NRF1: variants seen among roughly 807,000 people sequenced by gnomAD.
NRF1 encodes the protein nuclear respiratory factor 1.
In NRF1, 5 loss-of-function variants were observed where a neutral mutation model predicts 58.5. That is an observed-to-expected ratio of 0.09 (90% CI 0.04 to 0.18). The LOEUF (loss-of-function observed/expected upper bound fraction) is 0.18, where lower values mean the gene tolerates loss of function less well. NRF1 is among the 10% of genes least tolerant of loss of function. The probability of loss-of-function intolerance (pLI) is 1.00; values close to 1 mark genes in which losing one functional copy is unlikely to be tolerated. For synonymous variants in NRF1, 224 were observed against 246.7 expected (o/e 0.91, Z 0.86); for missense variants, 288 against 657.7 (o/e 0.44, Z 6.15).
intron 4 of NRF1, among the ~76,000 whole-genome samples, chr7:129,689,740 T>C (rs552544995): frequency 6.2e-4 from 95 of 152,318 alleles, no homozygotes; most frequent in African/African-American, 2.2e-3. Flanking sequence ...GCTAAAGGCG[T>C]CATGGGTTGG....
intron 1 of NRF1, among the ~76,000 whole-genome samples, chr7:129,655,868 T>C (rs1801643058): frequency 1.3e-5 from 2 of 152,214 alleles, no homozygotes; most frequent in African/African-American, 4.8e-5. Flanking sequence ...CACATTATGA[T>C]GTTAATAGTA....
chr7:129,719,545 A>ACACACACACACACACAC (rs1562982215), intron 9 of NRF1, among the ~76,000 whole-genome samples: 1 of 93,094 alleles, frequency 1.1e-5, no homozygotes, highest in Non-Finnish European at 2.8e-5. Flanking sequence ...CACACACACA[A>ACACACACACACACACAC]CACATCTTCT....
chr7:129,735,880 CA>C (rs1803697055), intron 10 of NRF1, among the ~76,000 whole-genome samples: 1 of 152,060 alleles, frequency 6.6e-6, no homozygotes, highest in South Asian at 2.1e-4. Flanking sequence ...TGGTGGCAGG[CA>C]CCTGTAGTCC....
chr7:129,628,279 C>T (rs1252115116), intron 1 of NRF1, among the ~76,000 whole-genome samples: 2 of 150,924 alleles, frequency 1.3e-5, no homozygotes, highest in Non-Finnish European at 2.9e-5. Flanking sequence ...CTCCTGACCT[C>T]GTGATCTGCC....
At position 129,682,611 on chromosome 7, in the gene NRF1, C is replaced by T. The variant is rs78696782; in HGVS notation, c.465+4853C>T. 4.7e-3 allele frequency among the ~76,000 whole-genome samples: 706 copies of T among 148,738 alleles called. 1 individual carries two copies. The highest frequency in any genetic ancestry group is 7.3e-3 in the Non-Finnish European group (494 of 67,448). On this transcript the variant is annotated intron_variant, in intron 4 of 10. Transcript: ENST00000393232. Reference sequence around the variant, plus strand: ...ACAGTCTAGGCAACATAGTGAGACCCTGTCTCTGCAAAAAAATGTAAAAAA... The same window carrying T: ...ACAGTCTAGGCAACATAGTGAGACCTTGTCTCTGCAAAAAAATGTAAAAAA...
intron 4 of NRF1, among the ~76,000 whole-genome samples, chr7:129,686,168 A>T (rs1802440021): frequency 6.6e-6 from 1 of 151,268 alleles, no homozygotes; most frequent in Non-Finnish European, 1.5e-5. Context: ...TGCCAAGGTG[A>T]GCGACGAGGT....
chr7:129,753,529 T>A (rs867449503), intron 10 of NRF1, among the ~76,000 whole-genome samples: 41 of 152,348 alleles, frequency 2.7e-4, no homozygotes, highest in Middle Eastern at 3.4e-3. Flanking sequence ...TTTTTCCTCA[T>A]TCACTGTAAT....
At chr7:129,655,845 G>A (rs1328434618) in intron 1 of NRF1, among the ~76,000 whole-genome samples, 1 of 152,206 alleles carries the variant, frequency 6.6e-6, no homozygotes, top group Non-Finnish European at 1.5e-5. Flanking sequence ...TAATGGGAAA[G>A]CTTCTAGTTT....
intron 1 of NRF1, among the ~76,000 whole-genome samples, chr7:129,628,619 A>T (rs757717893): frequency 6.6e-6 from 1 of 152,158 alleles, no homozygotes; most frequent in African/African-American, 2.4e-5. Context: ...CTGCTTTTGC[A>T]CTCAGTCTGC....
At chr7:129,618,262 G>T (rs1800696790) in intron 1 of NRF1, among the ~76,000 whole-genome samples, 1 of 152,120 alleles carries the variant, frequency 6.6e-6, no homozygotes, top group Non-Finnish European at 1.5e-5. Context: ...GAGGAGGAAG[G>T]TAATAGAGTA....
At chr7:129,633,885 A>G (rs1044339189) in intron 1 of NRF1, 1 of 151,568 alleles carries the variant, frequency 6.6e-6, no homozygotes, top group South Asian at 2.1e-4. Context: ...TATATAAACT[A>G]TAAATCTGTG....
chr7:129,691,598 G>A (rs984639964), intron 5 of NRF1, among the ~76,000 whole-genome samples: 7 of 149,888 alleles, frequency 4.7e-5, no homozygotes, highest in African/African-American at 1.5e-4. Context: ...CATGTGATCC[G>A]CCTGCCTCGG....
At chr7:129,622,571 C>CTTTT (rs71527916) in intron 1 of NRF1, among the ~76,000 whole-genome samples, 6 of 132,558 alleles carry the variant, frequency 4.5e-5, no homozygotes, top group African/African-American at 5.5e-5. Context: ...CTTTTCTTTT[C>CTTTT]TTTTTTTTTT....
At chr7:129,699,997 C>G (rs1013115672) in intron 5 of NRF1, among the ~76,000 whole-genome samples, 1 of 151,436 alleles carries the variant, frequency 6.6e-6, no homozygotes, top group East Asian at 1.9e-4. Context: ...AAAATTTAGC[C>G]GGGCATGGTG....
At chr7:129,662,319 A>G (rs993808507) in intron 2 of NRF1, among the ~76,000 whole-genome samples, 1 of 150,844 alleles carries the variant, frequency 6.6e-6, no homozygotes, top group Non-Finnish European at 1.5e-5. Flanking sequence ...AATTTTGGTA[A>G]TTGTTAATAG....
chr7:129,648,502 A>C (rs1801463470), intron 1 of NRF1, among the ~76,000 whole-genome samples: 1 of 151,218 alleles, frequency 6.6e-6, no homozygotes, highest in Non-Finnish European at 1.5e-5. Context: ...GATGGTCTCT[A>C]CCTCCTGACC....
chr7:129,659,728 C>G (rs1225415687), intron 2 of NRF1, among the ~76,000 whole-genome samples: 1 of 152,220 alleles, frequency 6.6e-6, no homozygotes, highest in Non-Finnish European at 1.5e-5. Flanking sequence ...GCCCCCCTCT[C>G]CCGGAAATTT....
intron 3 of NRF1, among the ~76,000 whole-genome samples, chr7:129,673,252 G>A (rs1203710769): frequency 6.6e-6 from 1 of 152,124 alleles, no homozygotes; most frequent in Non-Finnish European, 1.5e-5. Context: ...TAGGGAGAGA[G>A]GAATTGGAGA....
intron 1 of NRF1, among the ~76,000 whole-genome samples, chr7:129,619,490 GTATA>G (rs67190499): frequency 0.027 from 1,314 of 48,350 alleles, 53 homozygotes; most frequent in African/African-American, 0.079. Flanking sequence ...GTGTGTGTGT[GTATA>G]TATATATATA....
Sources: gnomAD v4.1 joint callset for allele counts (sites outside exome capture counted in the v4.1 genomes callset) on GRCh38, gnomAD v4.1.1 for gene constraint, MANE v1.5 for transcripts, NCBI Gene and HGNC (gene_info 2026-07-23, HGNC 2026-07-21) for gene names.